The following POU6F2 variants were observed in gnomAD, a reference collection of about 807,000 sequenced individuals.
POU6F2 encodes the protein POU domain, class 6, transcription factor 2.
Under a neutral mutation model 71.3 loss-of-function variants are expected in POU6F2, and 31 were observed. The observed-to-expected ratio is 0.43, with a 90% confidence interval of 0.33 to 0.59. POU6F2 has a LOEUF of 0.59. Among genes scored for constraint, POU6F2 ranks in the 20% least tolerant of loss-of-function variants. The pLI, the probability that POU6F2 is intolerant of heterozygous loss-of-function variation, is 0.04. For synonymous variants in POU6F2, 347 were observed against 355.7 expected (o/e 0.98, Z 0.27); for missense variants, 783 against 856.8 (o/e 0.91, Z 1.07).
intron 2 of POU6F2, among the ~76,000 whole-genome samples, chr7:39,136,813 G>A (rs1175548406): frequency 6.6e-6 from 1 of 150,812 alleles, no homozygotes; most frequent in Admixed American, 6.6e-5. Flanking sequence ...GAGCAACATA[G>A]CAAGATCCCA....
chr7:39,063,473 T>C (rs926351087), intron 1 of POU6F2, among the ~76,000 whole-genome samples: 3 of 152,152 alleles, frequency 2.0e-5, no homozygotes, highest in Non-Finnish European at 4.4e-5. Flanking sequence ...ATTAAACCAA[T>C]GTGTAATGAA....
At chr7:39,237,627 T>A (rs1429723296) in intron 4 of POU6F2, among the ~76,000 whole-genome samples, 2 of 152,146 alleles carry the variant, frequency 1.3e-5, no homozygotes, top group Non-Finnish European at 2.9e-5. Context: ...TGGACATTTT[T>A]ATCCATATAG....
rs531460102 is a variant in POU6F2 at position 39,339,901 on chromosome 7, C to T, written c.858C>T (p.Ser286=). Residue 286 remains serine, a synonymous_variant, in exon 5 of 10, where the codon TCC becomes TCT. Transcript: ENST00000518318. ...AGCAGCACCAACCCCACTCCCACTC[C>T]CAGAACCAGAACCAACCATCTCCAA... ...QPQQHQPHSH[S]QNQNQPSPTQ... is the part of the protein sequence containing the mutation. The T allele has an allele frequency of 4.8e-5, 78 of 1,613,980 alleles. 1 individual carries two copies. In the South Asian group the frequency reaches 8.3e-4, roughly 17 times the overall value.
At chr7:38,984,696 G>A (rs1788418760) in intron 1 of POU6F2, among the ~76,000 whole-genome samples, 1 of 152,112 alleles carries the variant, frequency 6.6e-6, no homozygotes, top group African/African-American at 2.4e-5. Flanking sequence ...CAAGAGGTTA[G>A]CCAGTGCTCC....
At chr7:39,319,520 C>T (rs1257045446) in intron 4 of POU6F2, among the ~76,000 whole-genome samples, 1 of 152,204 alleles carries the variant, frequency 6.6e-6, no homozygotes, top group Non-Finnish European at 1.5e-5. Flanking sequence ...GATATATTCA[C>T]CTCTGCACGG....
intron 5 of POU6F2, among the ~76,000 whole-genome samples, chr7:39,381,964 A>G (rs1298168680): frequency 1.3e-5 from 2 of 152,152 alleles, no homozygotes; most frequent in Non-Finnish European, 2.9e-5. Context: ...ACCCACAACT[A>G]GGGTAACAAC....
intron 2 of POU6F2, among the ~76,000 whole-genome samples, chr7:39,105,106 G>A: frequency 6.6e-6 from 1 of 152,248 alleles, no homozygotes; most frequent in Non-Finnish European, 1.5e-5. Context: ...GCAGAGGGCA[G>A]ATGGAATCTA....
At chr7:39,266,695 C>CTTTTT (rs35508359) in intron 4 of POU6F2, among the ~76,000 whole-genome samples, 18 of 105,098 alleles carry the variant, frequency 1.7e-4, no homozygotes, top group East Asian at 2.8e-4. Flanking sequence ...CGCACCTGGC[C>CTTTTT]TTTTTTTTTT....
intron 1 of POU6F2, among the ~76,000 whole-genome samples, chr7:39,023,615 C>T (rs1260633070): frequency 6.6e-6 from 1 of 152,080 alleles, no homozygotes; most frequent in African/African-American, 2.4e-5. Flanking sequence ...TAGAGTGATA[C>T]ACAAAAGTCC....
chr7:39,000,548 CA>C (rs1788875807), intron 1 of POU6F2, among the ~76,000 whole-genome samples: 1 of 122,784 alleles, frequency 8.1e-6, no homozygotes, highest in Non-Finnish European at 1.9e-5. Flanking sequence ...CACACACACA[CA>C]CACACACACA....
intron 2 of POU6F2, among the ~76,000 whole-genome samples, chr7:39,169,075 C>T (rs1227857497): frequency 6.6e-6 from 1 of 152,166 alleles, no homozygotes; most frequent in African/African-American, 2.4e-5. Context: ...CTGAGTTGTA[C>T]ATTTTGATAG....
At chr7:39,210,187 G>T (rs1015546002) in intron 4 of POU6F2, among the ~76,000 whole-genome samples, 1 of 152,266 alleles carries the variant, frequency 6.6e-6, no homozygotes, top group South Asian at 2.1e-4. Context: ...GTGGGTCATT[G>T]TGAGGGGCAG....
chr7:39,363,937 T>A (rs1465894548), intron 5 of POU6F2, among the ~76,000 whole-genome samples: 1 of 152,152 alleles, frequency 6.6e-6, no homozygotes, highest in East Asian at 1.9e-4. Flanking sequence ...TTCTGGCATT[T>A]TTCTCTGAAA....
chr7:39,008,554 T>C (rs1264488352), intron 1 of POU6F2, among the ~76,000 whole-genome samples: 5 of 151,526 alleles, frequency 3.3e-5, no homozygotes, highest in Non-Finnish European at 5.9e-5. Context: ...ATTTTGGCTT[T>C]TGTTGCCATT....
chr7:39,167,077 A>T (rs145880252), intron 2 of POU6F2, among the ~76,000 whole-genome samples: 194 of 152,288 alleles, frequency 1.3e-3, no homozygotes, highest in African/African-American at 4.5e-3. Context: ...GTTTGATTTA[A>T]ATTCTTTAGT....
intron 7 of POU6F2, among the ~76,000 whole-genome samples, chr7:39,441,757 C>G (rs1438849866): frequency 1.3e-5 from 2 of 152,074 alleles, no homozygotes; most frequent in African/African-American, 4.8e-5. Flanking sequence ...GAAATGAGCT[C>G]CTTAACTGAG....
intron 1 of POU6F2, among the ~76,000 whole-genome samples, chr7:39,034,759 T>C (rs1228262197): frequency 6.6e-6 from 1 of 152,126 alleles, no homozygotes; most frequent in Non-Finnish European, 1.5e-5. Context: ...ATTGAGGTGA[T>C]GTGGTGAATG....
chr7:39,321,890 T>G (rs77888278), intron 4 of POU6F2, among the ~76,000 whole-genome samples: 22,323 of 151,430 alleles, frequency 0.15, 1,922 homozygotes, highest in Non-Finnish European at 0.19. Flanking sequence ...TTTATATATA[T>G]ATAGAGAGAG....
chr7:39,083,794 G>A (rs1296876063), intron 1 of POU6F2: 2 of 152,134 alleles, frequency 1.3e-5, no homozygotes, highest in Admixed American at 1.3e-4. Flanking sequence ...CTTTTCTAAA[G>A]AGTTCAAGGT....
Sources: gnomAD v4.1 joint callset for allele counts (sites outside exome capture counted in the v4.1 genomes callset) on GRCh38, gnomAD v4.1.1 for gene constraint, MANE v1.5 for transcripts, NCBI Gene and HGNC (gene_info 2026-07-23, HGNC 2026-07-21) for gene names.